SCUBE1: variants seen among roughly 807,000 people sequenced by gnomAD.
The protein encoded by SCUBE1 is signal peptide, CUB domain and EGF like domain containing 1.
A neutral mutation model predicts 124.4 loss-of-function variants in SCUBE1; 59 were observed. That is an observed-to-expected ratio of 0.47 (90% CI 0.38 to 0.59). SCUBE1 has a LOEUF of 0.59. Among genes scored for constraint, SCUBE1 ranks in the 20% least tolerant of loss-of-function variants. The probability of loss-of-function intolerance (pLI) is 0.00; values close to 1 mark genes in which losing one functional copy is unlikely to be tolerated. For synonymous variants in SCUBE1, 545 were observed against 550.9 expected (o/e 0.99, Z 0.15); for missense variants, 1,150 against 1,371.2 (o/e 0.84, Z 2.55).
At chr22:43,332,957 C>T (rs986305393) in intron 2 of SCUBE1, among the ~76,000 whole-genome samples, 3 of 152,184 alleles carry the variant, frequency 2.0e-5, no homozygotes, top group Admixed American at 1.3e-4. Flanking sequence ...CCAGCAAATG[C>T]CTTCCACACC....
rs1163540458 is a variant in SCUBE1, at chr22:43,199,021, G to GT, written c.*4975dup. The GT allele has an allele frequency of 5.6e-6, 2 of 355,296 alleles. No homozygotes were observed. The highest frequency in any genetic ancestry group is 1.5e-4 in the East Asian group (2 of 13,308). The allele number at this position is 355,296 out of a possible 1,614,324, so 22.0% of individuals were successfully genotyped here. A position where few individuals can be genotyped will look rare whatever the true frequency, so the allele number is the denominator to read the frequency against. ...GTCTGCTGTCCGGGGCAGTGTGTCT[G>GT]TTTGTCTCTCTGCTGTCCAGGGCAA... On this transcript the variant is annotated 3_prime_UTR_variant, in exon 22 of 22. Transcript: ENST00000360835.
chr22:43,214,082 G>T lies in SCUBE1; in HGVS notation c.2053+8C>A. ...CACCCCCACCTCTCCTTCTAGGCCC[G>T]CACTTGCCTCCACATTCCGACACGT... On this transcript the variant is annotated splice_region_variant and intron_variant, in intron 16 of 21. Transcript: ENST00000360835. 2 of 1,282,712 alleles carry T rather than the reference G, an allele frequency of 1.6e-6. No homozygotes were observed. The highest frequency in any genetic ancestry group is 2.6e-5 in the South Asian group (2 of 77,034). 79.5% of individuals were successfully genotyped at this position (1,282,712 alleles called of 1,614,324 possible).
At chr22:43,205,678 CACTCACTCA>C (rs1921207282) in intron 21 of SCUBE1, among the ~76,000 whole-genome samples, 1 of 130,918 alleles carries the variant, frequency 7.6e-6, no homozygotes, top group African/African-American at 3.0e-5. Flanking sequence ...ACCCACTCAC[CACTCACTCA>C]CCCCCACACA....
chr22:43,216,591 G>A (rs1921820578), intron 15 of SCUBE1, among the ~76,000 whole-genome samples: 1 of 152,020 alleles, frequency 6.6e-6, no homozygotes, highest in African/African-American at 2.4e-5. Flanking sequence ...AGGCAGAGTT[G>A]CGGTGAGCTG....
intron 6 of SCUBE1, among the ~76,000 whole-genome samples, chr22:43,239,346 C>T (rs1228332851): frequency 6.6e-6 from 1 of 152,246 alleles, no homozygotes; most frequent in Non-Finnish European, 1.5e-5. Context: ...GACTCCAAGT[C>T]CAGGCTAGAG....
chr22:43,226,027 T>G (rs1922288977), intron 10 of SCUBE1, among the ~76,000 whole-genome samples: 1 of 152,260 alleles, frequency 6.6e-6, no homozygotes, highest in Non-Finnish European at 1.5e-5. Context: ...AAGTACGTGA[T>G]AAACTCAGCC....
At chr22:43,342,420 C>T (rs920193216) in intron 1 of SCUBE1, among the ~76,000 whole-genome samples, 1 of 152,210 alleles carries the variant, frequency 6.6e-6, no homozygotes, top group South Asian at 2.1e-4. Flanking sequence ...TCTTTCCTCC[C>T]CGTCCTGTCA....
intron 2 of SCUBE1, among the ~76,000 whole-genome samples, chr22:43,334,847 A>G (rs1480583790): frequency 1.3e-5 from 2 of 152,168 alleles, no homozygotes; most frequent in Non-Finnish European, 2.9e-5. Flanking sequence ...TCTGTATGAA[A>G]TAAGTACTAA....
chr22:43,272,222 C>T (rs1924320518), intron 4 of SCUBE1, among the ~76,000 whole-genome samples: 1 of 152,088 alleles, frequency 6.6e-6, no homozygotes, highest in South Asian at 2.1e-4. Flanking sequence ...TCTTGGGGTC[C>T]TGGGTCCCAG....
chr22:43,241,590 C>T (rs369058767), intron 6 of SCUBE1, among the ~76,000 whole-genome samples: 1 of 152,196 alleles, frequency 6.6e-6, no homozygotes, highest in African/African-American at 2.4e-5. Context: ...CCCAGTGCTC[C>T]CTGTCTGCAG....
At chr22:43,313,412 GA>G (rs1279527006) in intron 3 of SCUBE1, among the ~76,000 whole-genome samples, 3 of 152,216 alleles carry the variant, frequency 2.0e-5, no homozygotes. Flanking sequence ...CTGGCTAAGT[GA>G]ACTAATGGCT....
rs370847237 is a variant in SCUBE1 at position 43,238,935 on chromosome 22, G to C, written c.747C>G (p.Asn249Lys). 1 of 1,612,664 alleles carries C rather than the reference G, an allele frequency of 6.2e-7. No individual in the cohort carries two copies. The highest frequency in any genetic ancestry group is 8.5e-7 in the Non-Finnish European group (1 of 1,179,612). ...CCTTGCATGTCCGGTCGCAGCCTCC[G>C]TTATTGACTGCGCACGTCTCTGGGG... ...RTCIETCAVN[N>K]GGCDRTCKDT... is the part of the protein sequence containing the mutation. The change falls in exon 7 of 22, where the codon AAC (asparagine) becomes AAG (lysine). Residue 249 changes from asparagine (N) to lysine (K), a missense_variant. Asn to Lys is a moderately conservative substitution (Grantham distance 94). Around this residue, in one of 3 missense-constraint regions of SCUBE1, gnomAD observed 337 missense variants for 482.1 expected, o/e 0.70. Coordinates refer to ENST00000360835, the MANE Select transcript of SCUBE1 (RefSeq NM_173050.5).
At chr22:43,272,903 GGCTGTGACTTGCCCTGGTCACGCA>G (rs1047401342) in intron 4 of SCUBE1, among the ~76,000 whole-genome samples, 5 of 152,180 alleles carry the variant, frequency 3.3e-5, no homozygotes, top group Admixed American at 3.3e-4. Context: ...TGGGTCACGC[GGCTGTGACTTGCCCTGGTCACGCA>G]GCTGTCAGTG....
chr22:43,215,521 C>G (rs1337213034), intron 15 of SCUBE1, among the ~76,000 whole-genome samples: 2 of 152,180 alleles, frequency 1.3e-5, no homozygotes, highest in Admixed American at 6.5e-5. Context: ...TCATCAATCA[C>G]AGAGAGAAAA....
intron 3 of SCUBE1, chr22:43,317,018 C>G (rs897425489): frequency 6.6e-6 from 1 of 152,218 alleles, no homozygotes; most frequent in Non-Finnish European, 1.5e-5. Flanking sequence ...CACAAACCAG[C>G]TGGCACAACA....
intron 7 of SCUBE1, among the ~76,000 whole-genome samples, chr22:43,233,093 G>A (rs894744378): frequency 1.3e-5 from 2 of 152,234 alleles, no homozygotes; most frequent in African/African-American, 2.4e-5. Context: ...GGCCGGGCAC[G>A]GTGGCTCATG....
At chr22:43,276,607 C>A (rs1318106474) in intron 4 of SCUBE1, among the ~76,000 whole-genome samples, 1 of 152,236 alleles carries the variant, frequency 6.6e-6, no homozygotes, top group Admixed American at 6.5e-5. Context: ...CCCACTCTGC[C>A]AACCAGGCAT....
chr22:43,322,682 G>T (rs1429304665), intron 2 of SCUBE1, among the ~76,000 whole-genome samples: 3 of 152,158 alleles, frequency 2.0e-5, no homozygotes, highest in Non-Finnish European at 4.4e-5. Flanking sequence ...TCAGGGGGAA[G>T]CTGGCCTGGT....
chr22:43,257,577 G>A (rs765844327), intron 6 of SCUBE1, among the ~76,000 whole-genome samples: 19 of 152,200 alleles, frequency 1.2e-4, no homozygotes, highest in Admixed American at 6.5e-4. Flanking sequence ...ACGGGCTGGG[G>A]CAGCGGCGGG....
Sources: allele counts gnomAD v4.1 joint callset (sites outside exome capture counted in the v4.1 genomes callset), GRCh38; gene constraint gnomAD v4.1.1; regional missense constraint gnomAD v4.1.1; transcripts MANE v1.5; gene names NCBI Gene and HGNC (gene_info 2026-07-23, HGNC 2026-07-21).